Variants in PCDH15 observed in about 807,000 individuals in gnomAD.
PCDH15 encodes the protein protocadherin related 15, also known as protocadherin-15.
In PCDH15, 129 loss-of-function variants were observed where a neutral mutation model predicts 178.5. The ratio of observed to expected loss-of-function variants is 0.72; its 90% CI spans 0.63 to 0.84. The LOEUF (loss-of-function observed/expected upper bound fraction) is 0.84. PCDH15 is among the 40% of genes least tolerant of loss of function. The probability of loss-of-function intolerance (pLI) is 0.00; values close to 1 mark genes in which losing one functional copy is unlikely to be tolerated. For missense variants in PCDH15, 2,230 were observed against 2,099.9 expected, an observed-to-expected ratio of 1.06 and a Z score of -1.21; for synonymous variants, 800 against 732.0, an observed-to-expected ratio of 1.09 and a Z score of -1.50.
chr10:54,399,993 C>A (rs2135460314), intron 3 of PCDH15, among the ~76,000 whole-genome samples: 1 of 152,094 alleles, frequency 6.6e-6, no homozygotes, highest in East Asian at 1.9e-4. Flanking sequence ...AGATGAAAAT[C>A]AGTATTTAGT....
At chr10:55,409,591 A>G (rs954730589) in intron 2 of PCDH15, among the ~76,000 whole-genome samples, 5 of 152,004 alleles carry the variant, frequency 3.3e-5, no homozygotes, top group African/African-American at 1.2e-4. Flanking sequence ...GTAGATCACC[A>G]TACCGTTCAG....
chr10:55,490,808 A>G (rs1379601798), intron 2 of PCDH15, among the ~76,000 whole-genome samples: 1 of 151,820 alleles, frequency 6.6e-6, no homozygotes, highest in African/African-American at 2.4e-5. Context: ...ATAAAGCTTA[A>G]GGAAGATAAA....
intron 1 of PCDH15, among the ~76,000 whole-genome samples, chr10:54,775,491 T>G (rs1352148937): frequency 6.6e-6 from 1 of 152,338 alleles, no homozygotes; most frequent in African/African-American, 2.4e-5. Flanking sequence ...TTGAAAACAT[T>G]TAGTATCTTC....
At chr10:54,941,518 T>A (rs942152945) in intron 2 of PCDH15, among the ~76,000 whole-genome samples, 1 of 152,066 alleles carries the variant, frequency 6.6e-6, no homozygotes, top group African/African-American at 2.4e-5. Context: ...TGTTAAATAT[T>A]TCTTTTAGTT....
intron 3 of PCDH15, among the ~76,000 whole-genome samples, chr10:54,509,961 G>A (rs1463699680): frequency 6.6e-6 from 1 of 152,128 alleles, no homozygotes; most frequent in African/African-American, 2.4e-5. Flanking sequence ...CTGTTGCGAT[G>A]TTCTGGATGG....
chr10:55,374,117 AATAAT>A (rs1468949886), intron 2 of PCDH15, among the ~76,000 whole-genome samples: 8 of 149,578 alleles, frequency 5.3e-5, no homozygotes, highest in East Asian at 1.9e-4. Flanking sequence ...TAATAATAAT[AATAAT>A]AAAAGAATGG....
chr10:55,060,155 A>G (rs1471838851), intron 2 of PCDH15, among the ~76,000 whole-genome samples: 2 of 152,032 alleles, frequency 1.3e-5, no homozygotes, highest in African/African-American at 4.8e-5. Context: ...GCTTTTTAGA[A>G]ATTTCCTTTT....
intron 21 of PCDH15, among the ~76,000 whole-genome samples, chr10:53,986,391 T>C (rs1469934264): frequency 6.6e-6 from 1 of 152,198 alleles, no homozygotes; most frequent in Non-Finnish European, 1.5e-5. Context: ...AATGGCACTG[T>C]CAATATGAGA....
In PCDH15 at chr10:54,430,174, A is replaced by G. The variant is rs536790296; in HGVS notation, c.158-51232T>C. Among the ~76,000 whole-genome samples, 6 of 150,006 alleles carry G rather than the reference A, an allele frequency of 4.0e-5. No individual in the cohort carries two copies. In the East Asian group the frequency reaches 1.2e-3, roughly 30 times the overall value. ...GGGTTCAAGTGATTCTCCTGCCTCAACCTTCTGCTTAGCTGGGATTACAGG... is the reference window on the plus strand; with the variant it reads ...GGGTTCAAGTGATTCTCCTGCCTCAGCCTTCTGCTTAGCTGGGATTACAGG... On this transcript the variant is annotated intron_variant, in intron 3 of 37. Coordinates refer to ENST00000644397, the MANE Select transcript of PCDH15 (RefSeq NM_001384140.1).
In PCDH15 at chr10:54,373,138, C is replaced by A. The variant is rs539090463; in HGVS notation, c.319-3863G>T. ...TAGCAGTTTAGATTATAGCACAAAT[C>A]TTCAATCCAATATATTTTTTTTCTA... On this transcript the variant is annotated intron_variant, in intron 4 of 37. Transcript: ENST00000644397. Among the ~76,000 whole-genome samples, 3 of 151,890 alleles carry A rather than the reference C, an allele frequency of 2.0e-5. No homozygotes were observed. The South Asian group carries it at 6.2e-4, about 32-fold the overall frequency.
At chr10:55,392,782 T>G (rs1664631212) in intron 2 of PCDH15, among the ~76,000 whole-genome samples, 1 of 152,118 alleles carries the variant, frequency 6.6e-6, no homozygotes, top group Admixed American at 6.6e-5. Context: ...TAGTAAAATT[T>G]GTAGAAGGCA....
intron 21 of PCDH15, among the ~76,000 whole-genome samples, chr10:53,981,920 T>G (rs2090679117): frequency 6.6e-6 from 1 of 151,142 alleles, no homozygotes; most frequent in Non-Finnish European, 1.5e-5. Context: ...AACCTACTCA[T>G]CTGACAAAGG....
At chr10:54,589,509 CTT>C (rs2091738656) in intron 2 of PCDH15, among the ~76,000 whole-genome samples, 1 of 151,972 alleles carries the variant, frequency 6.6e-6, no homozygotes, top group Non-Finnish European at 1.5e-5. Flanking sequence ...TATATGAACT[CTT>C]TGTTTATTAA....
At chr10:54,356,819 A>G (rs1225107289) in intron 5 of PCDH15, among the ~76,000 whole-genome samples, 2 of 152,154 alleles carry the variant, frequency 1.3e-5, no homozygotes, top group Admixed American at 1.3e-4. Context: ...ACCATGATCA[A>G]GTGGGATTCA....
chr10:55,627,060 T>G (rs1420890112), intron 2 of PCDH15, among the ~76,000 whole-genome samples: 4 of 152,010 alleles, frequency 2.6e-5, no homozygotes, highest in Non-Finnish European at 5.9e-5. Context: ...GAGCTAGAGA[T>G]AACGATGAGA....
At chr10:54,130,052 T>C (rs1395767467) in intron 15 of PCDH15, among the ~76,000 whole-genome samples, 2 of 152,286 alleles carry the variant, frequency 1.3e-5, no homozygotes, top group East Asian at 3.9e-4. Context: ...ACTTGAATAT[T>C]TGAGTATAAA....
intron 25 of PCDH15, among the ~76,000 whole-genome samples, chr10:53,924,573 G>T (rs2610851): frequency 0.047 from 7,124 of 152,304 alleles, 512 homozygotes; most frequent in African/African-American, 0.16. Flanking sequence ...GGTGCACAGC[G>T]CCGGACTGGC....
At chr10:54,168,056 G>A (rs909237460) in intron 13 of PCDH15, among the ~76,000 whole-genome samples, 5 of 151,522 alleles carry the variant, frequency 3.3e-5, no homozygotes, top group Non-Finnish European at 7.4e-5. Context: ...CTTGGCCTGT[G>A]TTCTCAAAAA....
intron 2 of PCDH15, among the ~76,000 whole-genome samples, chr10:55,477,914 A>G (rs1840095406): frequency 6.6e-6 from 1 of 151,888 alleles, no homozygotes; most frequent in African/African-American, 2.4e-5. Flanking sequence ...AACACACAAG[A>G]CCAAACTATA....
Sources: allele counts gnomAD v4.1 joint callset (sites outside exome capture counted in the v4.1 genomes callset), GRCh38; gene constraint gnomAD v4.1.1; transcripts MANE v1.5; gene names NCBI Gene and HGNC (gene_info 2026-07-23, HGNC 2026-07-21).